Variants in UBE2R2 observed in about 807,000 individuals in gnomAD.
UBE2R2 encodes ubiquitin conjugating enzyme E2 R2.
In UBE2R2, 1 loss-of-function variant was observed where a neutral mutation model predicts 27.8. The ratio of observed to expected loss-of-function variants is 0.04; its 90% CI spans 0.01 to 0.17. The LOEUF is 0.17. UBE2R2 is among the 10% of genes least tolerant of loss of function. UBE2R2 has a pLI of 1.00. For missense variants in UBE2R2, 100 were observed against 291.0 expected (o/e 0.34, Z 4.78); for synonymous variants, 106 against 113.3 (o/e 0.94, Z 0.41).
At chr9:33,858,603 T>C (rs370516881) in intron 1 of UBE2R2, among the ~76,000 whole-genome samples, 241 of 152,108 alleles carry the variant, frequency 1.6e-3, no homozygotes, top group Non-Finnish European at 3.0e-3. Flanking sequence ...GGTTTTGCCA[T>C]GTTGCCCAGG....
intron 1 of UBE2R2, among the ~76,000 whole-genome samples, chr9:33,852,050 G>C (rs1227777386): frequency 1.3e-5 from 2 of 152,144 alleles, no homozygotes; most frequent in African/African-American, 4.8e-5. Context: ...AGTGGCTCAG[G>C]CCTGTAATCC....
chr9:33,864,580 T>C (rs1204640579), intron 1 of UBE2R2, among the ~76,000 whole-genome samples: 1 of 152,156 alleles, frequency 6.6e-6, no homozygotes, highest in East Asian at 1.9e-4. Flanking sequence ...GATGGTGTCT[T>C]GCTTTGTCGC....
chr9:33,917,117 T>C lies in UBE2R2; in HGVS notation c.597T>C (p.Asn199=), dbSNP rs764452731. 2.5e-6 allele frequency: 4 copies of C among 1,614,102 alleles called. No individual in the cohort carries two copies. The East Asian group carries it at 8.9e-5, about 36-fold the overall frequency. ...GCATCAAAACTAAAGTGCCTTCCAA[T>C]GACAACAGCTCAGATTTGCTTTACG... is the stretch of plus-strand genomic sequence containing the variant. ...EYCIKTKVPS[N]DNSSDLLYDD... The change falls in exon 5 of 5, where the codon AAT becomes AAC. Residue 199 remains asparagine, a synonymous_variant. Coordinates refer to ENST00000263228, the MANE Select transcript of UBE2R2 (RefSeq NM_017811.4).
chr9:33,834,930 G>T (rs908393452), intron 1 of UBE2R2, among the ~76,000 whole-genome samples: 6 of 146,680 alleles, frequency 4.1e-5, no homozygotes, highest in Non-Finnish European at 8.9e-5. Flanking sequence ...AAAAACAAAA[G>T]AAAAGAAAAG....
chr9:33,841,762 G>A (rs977422484), intron 1 of UBE2R2, among the ~76,000 whole-genome samples: 2 of 151,926 alleles, frequency 1.3e-5, no homozygotes, highest in African/African-American at 4.8e-5. Context: ...TCAAGGATAG[G>A]GAATAATGAA....
chr9:33,835,410 G>C (rs924714897), intron 1 of UBE2R2, among the ~76,000 whole-genome samples: 2 of 152,190 alleles, frequency 1.3e-5, no homozygotes, highest in African/African-American at 4.8e-5. Context: ...GCCTCCCAAA[G>C]TGCTGAGATT....
chr9:33,854,794 C>G (rs896919765), intron 1 of UBE2R2, among the ~76,000 whole-genome samples: 3 of 151,466 alleles, frequency 2.0e-5, no homozygotes, highest in African/African-American at 7.3e-5. Flanking sequence ...TCACAGCCCA[C>G]TGCAGCTTTG....
At chr9:33,844,365 C>T (rs1269901399) in intron 1 of UBE2R2, among the ~76,000 whole-genome samples, 1 of 151,844 alleles carries the variant, frequency 6.6e-6, no homozygotes, top group Non-Finnish European at 1.5e-5. Context: ...CCACCATGCC[C>T]AGCTGATTTT....
intron 1 of UBE2R2, among the ~76,000 whole-genome samples, chr9:33,874,574 A>ATAT (rs201004754): frequency 6.6e-6 from 1 of 151,874 alleles, no homozygotes; most frequent in African/African-American, 2.4e-5. Context: ...ATATGTATAT[A>ATAT]TATTATTATT....
chr9:33,899,000 C>G (rs556132369), intron 2 of UBE2R2, among the ~76,000 whole-genome samples: 4 of 152,276 alleles, frequency 2.6e-5, no homozygotes, highest in Non-Finnish European at 4.4e-5. Flanking sequence ...TCATTCTAAC[C>G]ATACCTTGAG....
chr9:33,879,430 TTTCTC>T, intron 1 of UBE2R2, among the ~76,000 whole-genome samples: 1 of 152,310 alleles, frequency 6.6e-6, no homozygotes, highest in African/African-American at 2.4e-5. Flanking sequence ...ACTGCAAAGA[TTTCTC>T]TTAGTACCCT....
In UBE2R2 at chr9:33,869,072, A is replaced by G. The variant is rs539328370; in HGVS notation, c.178-17809A>G. On this transcript the variant is annotated intron_variant, in intron 1 of 4. Coordinates refer to ENST00000263228, the MANE Select transcript of UBE2R2 (RefSeq NM_017811.4). The stretch of plus-strand genomic sequence containing the variant: ...TGCTTGAGCTTGGGAGCTCAAGACC[A>G]GCCTGGGCAATATGGCAGAATCCTG... Among the ~76,000 whole-genome samples the G allele has an allele frequency of 6.6e-5, 10 of 152,246 alleles. No individual in the cohort carries two copies. In the South Asian group the frequency reaches 2.1e-3, roughly 32 times the overall value.
chr9:33,916,998 C>T lies in UBE2R2; in HGVS notation c.498-20C>T. The T allele has an allele frequency of 6.2e-7, 1 of 1,613,628 alleles. No individual in the cohort carries two copies. The highest frequency in any genetic ancestry group is 1.1e-5 in the South Asian group (1 of 90,992). ...AAAAAAGACTTACCGTAAACCATTT[C>T]TGTGTCAACCTCCCTTCAGGAAACA... On this transcript the variant is annotated intron_variant, in intron 4 of 4. Coordinates refer to ENST00000263228, the MANE Select transcript of UBE2R2 (RefSeq NM_017811.4).
chr9:33,830,597 G>C (rs185180550), intron 1 of UBE2R2, among the ~76,000 whole-genome samples: 1 of 151,240 alleles, frequency 6.6e-6, no homozygotes, highest in Non-Finnish European at 1.5e-5. Context: ...TGAAACCCCC[G>C]TCTCTACTGA....
chr9:33,900,003 T>G (rs1232709260), intron 2 of UBE2R2, among the ~76,000 whole-genome samples, 171 bp from the exon 3 acceptor site: 1 of 152,244 alleles, frequency 6.6e-6, no homozygotes, highest in Non-Finnish European at 1.5e-5. Context: ...AAATAAATAC[T>G]TTTAAAATGC....
chr9:33,899,385 GT>G (rs974723514), intron 2 of UBE2R2, among the ~76,000 whole-genome samples: 1 of 147,716 alleles, frequency 6.8e-6, no homozygotes, highest in Admixed American at 6.8e-5. Flanking sequence ...TTTTGTTTTT[GT>G]TTTTTTGAGA....
Position 33,919,106 on chromosome 9 carries a change from G to T in UBE2R2, c.*1869G>T, listed in dbSNP as rs188423275. 6.6e-6 allele frequency: 1 copy of T among 152,462 alleles called. No homozygotes were observed. Among genetic ancestry groups the T allele is most frequent in the African/African-American group, 2.4e-5 (1 of 41,506 alleles). The allele number at this position is 152,462 out of a possible 1,614,324, so 9.4% of individuals were successfully genotyped here. Reference sequence around the variant, plus strand: ...GGGCCAGGGTTGCTACTTGCACCCAGAATCTAGTGATTTTAGTCAGATCCA... The same window carrying T: ...GGGCCAGGGTTGCTACTTGCACCCATAATCTAGTGATTTTAGTCAGATCCA... On this transcript the variant is annotated 3_prime_UTR_variant, in exon 5 of 5. Transcript: ENST00000263228.
chr9:33,864,490 G>A (rs1821315790), intron 1 of UBE2R2, among the ~76,000 whole-genome samples: 1 of 152,128 alleles, frequency 6.6e-6, no homozygotes, highest in Non-Finnish European at 1.5e-5. Flanking sequence ...TGTTATGAAA[G>A]TAATAACATA....
intron 3 of UBE2R2, among the ~76,000 whole-genome samples, chr9:33,903,336 C>T (rs1822286229): frequency 6.6e-6 from 1 of 152,052 alleles, no homozygotes; most frequent in Non-Finnish European, 1.5e-5. Flanking sequence ...AGTAATAACC[C>T]TAGATTAGAG....
Sources: allele counts gnomAD v4.1 joint callset (sites outside exome capture counted in the v4.1 genomes callset), GRCh38; gene constraint gnomAD v4.1.1; transcripts MANE v1.5; gene names NCBI Gene and HGNC (gene_info 2026-07-23, HGNC 2026-07-21).